The following PARD3B variants were observed in gnomAD, a reference collection of about 807,000 sequenced individuals.
PARD3B encodes partitioning defective 3 homolog B.
A neutral mutation model predicts 130.2 loss-of-function variants in PARD3B; 103 were observed. The ratio of observed to expected loss-of-function variants is 0.79; its 90% CI spans 0.67 to 0.93. The LOEUF (loss-of-function observed/expected upper bound fraction) is 0.93. Among genes scored for constraint, PARD3B ranks in the 40% least tolerant of loss-of-function variants. The pLI, the probability that PARD3B is intolerant of heterozygous loss-of-function variation, is 0.00. For synonymous variants in PARD3B, 583 were observed against 553.2 expected (o/e 1.05, Z -0.76); for missense variants, 1,609 against 1,499.2 (o/e 1.07, Z -1.21).
At chr2:204,638,263 T>C (rs1329362472) in intron 1 of PARD3B, among the ~76,000 whole-genome samples, 2 of 152,228 alleles carry the variant, frequency 1.3e-5, no homozygotes, top group Non-Finnish European at 2.9e-5. Flanking sequence ...AGTAGAAGTT[T>C]ACAATTCCCC....
chr2:205,026,757 A>G (rs1201497739), intron 3 of PARD3B, among the ~76,000 whole-genome samples: 1 of 152,176 alleles, frequency 6.6e-6, no homozygotes, highest in Non-Finnish European at 1.5e-5. Flanking sequence ...TAGATTCTGC[A>G]TATGATTGAG....
chr2:205,163,399 T>C (rs1393512421), intron 11 of PARD3B, among the ~76,000 whole-genome samples: 1 of 152,236 alleles, frequency 6.6e-6, no homozygotes, highest in Non-Finnish European at 1.5e-5. Flanking sequence ...GAAAAATGCC[T>C]GACATGGCTA....
intron 2 of PARD3B, among the ~76,000 whole-genome samples, chr2:204,928,831 G>A (rs984971953): frequency 6.6e-6 from 1 of 152,078 alleles, no homozygotes; most frequent in Non-Finnish European, 1.5e-5. Context: ...AATAGTTGGA[G>A]TGGAATGGCT....
At chr2:205,422,183 G>A (rs1315786648) in intron 19 of PARD3B, among the ~76,000 whole-genome samples, 1 of 152,218 alleles carries the variant, frequency 6.6e-6, no homozygotes, top group Admixed American at 6.5e-5. Context: ...GTCACAAGAA[G>A]TCGATTTCAG....
intron 2 of PARD3B, among the ~76,000 whole-genome samples, chr2:204,776,184 G>T (rs1025765007): frequency 5.3e-5 from 8 of 152,152 alleles, no homozygotes; most frequent in African/African-American, 1.9e-4. Flanking sequence ...AAATTTTGCT[G>T]AAATGCTGAG....
chr2:204,800,026 A>G (rs2042510558), intron 2 of PARD3B, among the ~76,000 whole-genome samples: 1 of 152,190 alleles, frequency 6.6e-6, no homozygotes, highest in African/African-American at 2.4e-5. Flanking sequence ...ATCTCACCAA[A>G]CAAATAAAGT....
chr2:204,845,653 A>G (rs1470754529), intron 2 of PARD3B, among the ~76,000 whole-genome samples: 4 of 152,060 alleles, frequency 2.6e-5, no homozygotes, highest in Non-Finnish European at 4.4e-5. Flanking sequence ...ATTTCTTTCA[A>G]TTCTGAGAAC....
At chr2:204,953,088 ACAGAGT>A (rs138008677) in intron 2 of PARD3B, among the ~76,000 whole-genome samples, 50,454 of 149,424 alleles carry the variant, frequency 0.34, 9,649 homozygotes, top group East Asian at 0.72. Flanking sequence ...AGAGAGAGAG[ACAGAGT>A]CAATGTCACT....
rs1363047864 is a variant in PARD3B at position 205,341,740 on chromosome 2, A to G, written c.2630+40039A>G. On this transcript the variant is annotated intron_variant, in intron 18 of 22. Coordinates refer to ENST00000406610, the MANE Select transcript of PARD3B (RefSeq NM_001302769.2). The surrounding 1 kb of genome is among the most constrained non-coding windows in gnomAD (Gnocchi z 4.3). ...GGAGAGGATTTTGAATGTTCCCAACACGAAGAAATGATGCATGTTTGAAAT... is the reference window on the plus strand; with the variant it reads ...GGAGAGGATTTTGAATGTTCCCAACGCGAAGAAATGATGCATGTTTGAAAT... Among the ~76,000 whole-genome samples, 2 of 152,144 alleles carry G rather than the reference A, an allele frequency of 1.3e-5. No homozygotes were observed. The highest frequency in any genetic ancestry group is 4.8e-5 in the African/African-American group (2 of 41,440).
chr2:204,628,942 A>C (rs1348802658), intron 1 of PARD3B, among the ~76,000 whole-genome samples: 1 of 152,142 alleles, frequency 6.6e-6, no homozygotes, highest in Non-Finnish European at 1.5e-5. Flanking sequence ...GCAGTTGTAG[A>C]ATATATATGG....
At chr2:204,848,097 T>C (rs180738683) in intron 2 of PARD3B, among the ~76,000 whole-genome samples, 2 of 152,334 alleles carry the variant, frequency 1.3e-5, no homozygotes, top group African/African-American at 4.8e-5. Flanking sequence ...TGTATTGTTA[T>C]AATTGTTCTA....
At chr2:204,595,069 G>T (rs185295346) in intron 1 of PARD3B, among the ~76,000 whole-genome samples, 2 of 152,242 alleles carry the variant, frequency 1.3e-5, no homozygotes, top group African/African-American at 4.8e-5. Flanking sequence ...GTTTTGTAGG[G>T]TACTCAGATG....
chr2:205,394,254 A>G (rs977101057), intron 18 of PARD3B, among the ~76,000 whole-genome samples: 1 of 152,148 alleles, frequency 6.6e-6, no homozygotes. Context: ...ACCCTCTCTG[A>G]GGTTCTTGTC....
intron 5 of PARD3B, among the ~76,000 whole-genome samples, chr2:205,108,553 A>T (rs1344190543): frequency 6.6e-6 from 1 of 151,810 alleles, no homozygotes; most frequent in Non-Finnish European, 1.5e-5. Context: ...TTATGCTCAC[A>T]GACTATCCTC....
Position 205,601,045 on chromosome 2 carries a change from G to C in PARD3B, c.3261-14411G>C, listed in dbSNP as rs76832422. ...AATAATGAGATTGCTGGGTCAAATGGTATTTCTGGTTGTGGGTCTTTGAGG... is the reference window on the plus strand; with the variant it reads ...AATAATGAGATTGCTGGGTCAAATGCTATTTCTGGTTGTGGGTCTTTGAGG... On this transcript the variant is annotated intron_variant, in intron 22 of 22. Transcript: ENST00000406610. Among the ~76,000 whole-genome samples the C allele has an allele frequency of 1.6e-4, 25 of 152,294 alleles. No homozygotes were observed. The East Asian group carries it at 4.3e-3, about 26-fold the overall frequency.
chr2:204,830,989 A>T (rs545030120), intron 2 of PARD3B, among the ~76,000 whole-genome samples: 67 of 152,356 alleles, frequency 4.4e-4, no homozygotes, highest in African/African-American at 1.5e-3. Flanking sequence ...TATACTATAA[A>T]ATGATATCTC....
chr2:204,727,639 G>A (rs2039295329), intron 2 of PARD3B, among the ~76,000 whole-genome samples: 1 of 152,120 alleles, frequency 6.6e-6, no homozygotes, highest in Non-Finnish European at 1.5e-5. Context: ...CCGAGGGAGA[G>A]GTAAAAGAAA....
At chr2:205,401,893 G>T (rs546226303) in intron 19 of PARD3B, among the ~76,000 whole-genome samples, 2 of 152,166 alleles carry the variant, frequency 1.3e-5, no homozygotes, top group African/African-American at 4.8e-5. Flanking sequence ...AATTCTAAGC[G>T]TTTGATTCTG....
rs116389987 is a variant in PARD3B, at chr2:205,397,487, C to A, written c.2631-3526C>A. 4.4e-3 allele frequency among the ~76,000 whole-genome samples: 672 copies of A among 152,196 alleles called. 3 individuals are homozygous for A. Among genetic ancestry groups the A allele is most frequent in the Non-Finnish European group, 7.8e-3 (532 of 68,008 alleles). On this transcript the variant is annotated intron_variant, in intron 18 of 22. Coordinates refer to ENST00000406610, the MANE Select transcript of PARD3B (RefSeq NM_001302769.2). The surrounding 1 kb of genome is among the most constrained non-coding windows in gnomAD (Gnocchi z 4.8). ...AGGATAATGAGCTATTGCTGAACTG[C>A]AGTACAAGTCAAACATTTTAGCTAC...
Sources: gnomAD v4.1 joint callset for allele counts (sites outside exome capture counted in the v4.1 genomes callset) on GRCh38, gnomAD v4.1.1 for gene constraint, Gnocchi (gnomAD v3.1) non-coding constraint, MANE v1.5 for transcripts, NCBI Gene and HGNC (gene_info 2026-07-23, HGNC 2026-07-21) for gene names.